MTMR7: variants seen among roughly 807,000 people sequenced by gnomAD.
MTMR7 encodes the protein phosphatidylinositol-3-phosphate phosphatase MTMR7.
MTMR7 carries 76 observed loss-of-function variants against 81.2 expected under a neutral mutation model. That is an observed-to-expected ratio of 0.94 (90% CI 0.78 to 1.13). The LOEUF is 1.13. Among genes scored for constraint, MTMR7 ranks in the 50% most tolerant of loss-of-function variants. The probability of loss-of-function intolerance (pLI) is 0.00; values close to 1 mark genes in which losing one functional copy is unlikely to be tolerated. For synonymous variants in MTMR7, 372 were observed against 289.8 expected (o/e 1.28, Z -2.88); for missense variants, 1,044 against 820.0 (o/e 1.27, Z -3.34).
chr8:17,332,614 T>C (rs1044333430), intron 6 of MTMR7, among the ~76,000 whole-genome samples: 3 of 152,222 alleles, frequency 2.0e-5, no homozygotes, highest in Admixed American at 1.3e-4. Context: ...CTGCTGCCGC[T>C]GCTGCTGCCC....
chr8:17,323,820 T>C (rs952820534), intron 7 of MTMR7, among the ~76,000 whole-genome samples: 1 of 152,192 alleles, frequency 6.6e-6, no homozygotes, highest in South Asian at 2.1e-4. Flanking sequence ...CACAACTGTC[T>C]TGAGTTTGAT....
Position 17,361,078 on chromosome 8 carries a change from A to ATT in MTMR7, c.468+37_468+38dup, listed in dbSNP as rs1466076089. The ATT allele has an allele frequency of 2.5e-6, 4 of 1,610,648 alleles. No individual in the cohort carries two copies. In the Admixed American group the frequency reaches 6.7e-5, roughly 27 times the overall value. On this transcript the variant is annotated intron_variant, in intron 4 of 13. Transcript: ENST00000180173. ...GGATGCTAAGCTGGCTGAAACCCTAATTTCATGCGGCTTCAGTGTTTGGGT... is the reference window on the plus strand; with the variant it reads ...GGATGCTAAGCTGGCTGAAACCCTAATTTTTCATGCGGCTTCAGTGTTTGGGT...
At chr8:17,308,322 C>G (rs1045765149) in intron 10 of MTMR7, among the ~76,000 whole-genome samples, 1 of 152,086 alleles carries the variant, frequency 6.6e-6, no homozygotes, top group Non-Finnish European at 1.5e-5. Context: ...AATAGAACCC[C>G]AAACTGAAAA....
intron 1 of MTMR7, among the ~76,000 whole-genome samples, chr8:17,408,470 G>C (rs1351856408): frequency 6.7e-6 from 1 of 149,366 alleles, no homozygotes; most frequent in East Asian, 2.0e-4. Flanking sequence ...TTCTTTCTTT[G>C]ATGAGCTCTT....
At chr8:17,371,851 G>GTT (rs33920646) in intron 2 of MTMR7, among the ~76,000 whole-genome samples, 200 of 104,804 alleles carry the variant, frequency 1.9e-3, no homozygotes, top group Middle Eastern at 6.4e-3. Flanking sequence ...CTTACCTATA[G>GTT]TTTTTTTTTT....
chr8:17,317,086 CTGAA>C (rs1400179522), intron 7 of MTMR7, among the ~76,000 whole-genome samples: 4 of 152,154 alleles, frequency 2.6e-5, no homozygotes, highest in African/African-American at 9.7e-5. Context: ...GTTTTCTTCT[CTGAA>C]TGTTGTTTTC....
chr8:17,354,370 G>A (rs1214180625), intron 4 of MTMR7, among the ~76,000 whole-genome samples: 1 of 152,096 alleles, frequency 6.6e-6, no homozygotes, highest in Non-Finnish European at 1.5e-5. Context: ...TATTCCAAGA[G>A]AGTTAGATTA....
chr8:17,403,898 T>A (rs1374916988), intron 1 of MTMR7, among the ~76,000 whole-genome samples: 2 of 152,254 alleles, frequency 1.3e-5, no homozygotes, highest in Non-Finnish European at 2.9e-5. Context: ...ACATGAACGC[T>A]ACTGCTTTTT....
intron 4 of MTMR7, among the ~76,000 whole-genome samples, chr8:17,359,778 T>C (rs1820005710): frequency 6.6e-6 from 1 of 152,112 alleles, no homozygotes; most frequent in African/African-American, 2.4e-5. Flanking sequence ...CATTATACCA[T>C]CAAGGTATCA....
chr8:17,373,001 C>A, intron 2 of MTMR7, 117 bp downstream of exon 2: 1 of 1,265,066 alleles, frequency 7.9e-7, no homozygotes, highest in East Asian at 2.4e-5. Context: ...AAACAGTTCC[C>A]CAACATCCAG....
At chr8:17,300,492 C>G (rs985412657) in intron 13 of MTMR7, among the ~76,000 whole-genome samples, 1 of 152,134 alleles carries the variant, frequency 6.6e-6, no homozygotes, top group African/African-American at 2.4e-5. Context: ...CCAGTGAACC[C>G]TAGTCTCCCT....
rs1468399178 is a variant in MTMR7, at chr8:17,311,630, A to T, written c.982T>A (p.Ser328Thr). Residue 328 changes from serine to threonine, a missense_variant, in exon 9 of 14, where the codon TCA becomes ACA. Physicochemically the swap from Ser to Thr is moderately conservative, Grantham distance 58 (BLOSUM62 1). Coordinates refer to ENST00000180173, the MANE Select transcript of MTMR7 (RefSeq NM_004686.5). Reference sequence around the variant, plus strand: ...ACAAGCACACTTGCCCCTTCCTCTGACACTGCCTAGAAAACACACGATCCG... The same window carrying T: ...ACAAGCACACTTGCCCCTTCCTCTGTCACTGCCTAGAAAACACACGATCCG... ...DAGIFIAKAVSEEGASVLVHC... is the reference protein window; with the variant it reads ...DAGIFIAKAVTEEGASVLVHC... The T allele has an allele frequency of 6.2e-6, 10 of 1,614,040 alleles. No individual in the cohort carries two copies. Among genetic ancestry groups the T allele is most frequent in the Non-Finnish European group, 8.5e-6 (10 of 1,180,028 alleles).
At position 17,361,122 on chromosome 8, in the gene MTMR7, A is replaced by T. The variant is rs758916180; in HGVS notation, c.463T>A (p.Tyr155Asn). The T allele has an allele frequency of 6.2e-6, 10 of 1,614,110 alleles. No individual in the cohort carries two copies. The South Asian group carries it at 1.1e-4, about 18-fold the overall frequency. The change falls in exon 4 of 14, where the codon TAC becomes AAC. Residue 155 changes from tyrosine to asparagine, a missense_variant. Transcript: ENST00000180173. ...YWQLSDVNRD[Y>N]RVCDSYPTEL... ...TTTGGGTTTCACGCACTCACTCTGT[A>T]GTCTCTATTCACATCGCTGAGCTGC... is the stretch of plus-strand genomic sequence containing the variant.
intron 7 of MTMR7, among the ~76,000 whole-genome samples, chr8:17,316,073 A>C (rs1470899750): frequency 6.6e-6 from 1 of 152,106 alleles, no homozygotes; most frequent in Non-Finnish European, 1.5e-5. Flanking sequence ...CTTCTTTCCT[A>C]TGAAGATTGT....
chr8:17,331,411 T>A, intron 6 of MTMR7, 129 bp from the exon 7 acceptor site: 1 of 932,532 alleles, frequency 1.1e-6, no homozygotes, highest in Non-Finnish European at 1.5e-6. Flanking sequence ...TACGCTTATT[T>A]GAATCACTGC....
At chr8:17,321,535 G>T (rs1208448155) in intron 7 of MTMR7, among the ~76,000 whole-genome samples, 2 of 152,230 alleles carry the variant, frequency 1.3e-5, no homozygotes, top group Non-Finnish European at 2.9e-5. Context: ...GAGGTCTGCA[G>T]ATGATTAATA....
intron 1 of MTMR7, among the ~76,000 whole-genome samples, chr8:17,379,860 C>G (rs1820706893): frequency 6.6e-6 from 1 of 151,944 alleles, no homozygotes; most frequent in Non-Finnish European, 1.5e-5. Context: ...ATGGAGTGAA[C>G]AAATCTAATC....
chr8:17,325,407 G>C (rs533607490), intron 7 of MTMR7, among the ~76,000 whole-genome samples: 17 of 152,304 alleles, frequency 1.1e-4, no homozygotes, highest in Non-Finnish European at 5.9e-5. Context: ...ATCATCTCTA[G>C]GGCCACCTGA....
chr8:17,338,029 CA>C (rs1309396357), intron 6 of MTMR7, among the ~76,000 whole-genome samples: 1 of 152,208 alleles, frequency 6.6e-6, no homozygotes, highest in Non-Finnish European at 1.5e-5. Flanking sequence ...CCTTCTAGAG[CA>C]AACTCAGTCT....
Sources: allele counts gnomAD v4.1 joint callset (sites outside exome capture counted in the v4.1 genomes callset), GRCh38; gene constraint gnomAD v4.1.1; transcripts MANE v1.5; gene names NCBI Gene and HGNC (gene_info 2026-07-23, HGNC 2026-07-21).